KY: variants seen among roughly 807,000 people sequenced by gnomAD.
KY encodes kyphoscoliosis peptidase.
In KY, 43 loss-of-function variants were observed where a neutral mutation model predicts 76.1. The ratio of observed to expected loss-of-function variants is 0.57; its 90% confidence interval spans 0.44 to 0.73. The LOEUF is 0.73. Among genes scored for constraint, KY ranks in the 30% least tolerant of loss-of-function variants. The probability of loss-of-function intolerance (pLI) is 0.00; values close to 1 mark genes in which losing one functional copy is unlikely to be tolerated. For synonymous variants in KY, 277 were observed against 326.2 expected, an observed-to-expected ratio of 0.85 and a Z score of 1.63; for missense variants, 722 against 828.9, an observed-to-expected ratio of 0.87 and a Z score of 1.58.
chr3:134,646,748 A>T (rs1478177384), intron 2 of KY, among the ~76,000 whole-genome samples: 1 of 152,146 alleles, frequency 6.6e-6, no homozygotes, highest in Non-Finnish European at 1.5e-5. Context: ...CTGCGGGCTG[A>T]TGGAGTTCTC....
chr3:134,646,683 G>A (rs1966479155), intron 2 of KY, among the ~76,000 whole-genome samples: 1 of 152,128 alleles, frequency 6.6e-6, no homozygotes, highest in African/African-American at 2.4e-5. Context: ...ATGGAGGGTG[G>A]TTCCTTTACA....
chr3:134,627,532 C>T (rs150193423), intron 5 of KY, among the ~76,000 whole-genome samples: 1 of 152,296 alleles, frequency 6.6e-6, no homozygotes, highest in African/African-American at 2.4e-5. Flanking sequence ...GGGGTTTATA[C>T]TTTAGCTTTA....
At chr3:134,618,211 G>T (rs988982166) in intron 8 of KY, among the ~76,000 whole-genome samples, 7 of 152,126 alleles carry the variant, frequency 4.6e-5, no homozygotes, top group African/African-American at 1.7e-4. Context: ...ACAACAGGGG[G>T]TTTGGGCCAG....
In KY at chr3:134,603,518, G is replaced by C. The variant is rs561060793; in HGVS notation, c.*61C>G. 5 of 1,461,214 alleles carry C rather than the reference G, an allele frequency of 3.4e-6. No individual in the cohort carries two copies. Among genetic ancestry groups the C allele is most frequent in the Admixed American group, 2.3e-5 (1 of 44,298 alleles). 90.5% of individuals were successfully genotyped at this position (1,461,214 alleles called of 1,614,324 possible). A position where few individuals can be genotyped will look rare whatever the true frequency, so the allele number is the denominator to read the frequency against. On this transcript the variant is annotated 3_prime_UTR_variant, in exon 11 of 11. Coordinates refer to ENST00000423778, the MANE Select transcript of KY (RefSeq NM_178554.6). ...GTCCAGGGCTCCCTGCACTTCCTTC[G>C]AGCCCTCCCTGGGGAGGTCTGGCCT...
intron 2 of KY, 87 bp downstream of exon 2, chr3:134,647,348 C>T: frequency 1.9e-6 from 2 of 1,053,156 alleles, no homozygotes; most frequent in East Asian, 5.2e-5. Context: ...ATGTCTAGGG[C>T]TAGTCTTCAA....
At chr3:134,646,344 T>G (rs968574228) in intron 2 of KY, among the ~76,000 whole-genome samples, 1 of 151,756 alleles carries the variant, frequency 6.6e-6, no homozygotes, top group African/African-American at 2.4e-5. Context: ...GGATGGGGAG[T>G]GTGTCTTGAG....
rs183161417 is a variant in KY at position 134,640,622 on chromosome 3, G to A, written c.262+2694C>T. On this transcript the variant is annotated intron_variant, in intron 3 of 10. Coordinates refer to ENST00000423778, the MANE Select transcript of KY (RefSeq NM_178554.6). ...CAAGGCTCATGAGATGAATAAGAAA[G>A]TGGCACATGGAGTAACGATTCCCTG... Among the ~76,000 whole-genome samples the A allele has an allele frequency of 2.8e-3, 422 of 152,322 alleles. 1 individual carries two copies. Among genetic ancestry groups the A allele is most frequent in the African/African-American group, 9.8e-3 (407 of 41,562 alleles).
At chr3:134,625,173 C>T in intron 5 of KY, 38 bp from the exon 6 acceptor site, 1 of 1,529,350 alleles carries the variant, frequency 6.5e-7, no homozygotes, top group Non-Finnish European at 8.9e-7. Context: ...AGCTGAGACC[C>T]ACTGAAGAGG....
At position 134,620,868 on chromosome 3, in the gene KY, G is replaced by A; in HGVS notation, c.484-11C>T. The A allele has an allele frequency of 6.3e-7, 1 of 1,577,636 alleles. No individual in the cohort carries two copies. On this transcript the variant is annotated splice_polypyrimidine_tract_variant and intron_variant, in intron 6 of 10. Coordinates refer to ENST00000423778, the MANE Select transcript of KY (RefSeq NM_178554.6). ...ACTCTTGGCTGTCACCTGGGGAGCA[G>A]GAAGGGTGTGCTGTATTAGGGCCTC...
At chr3:134,642,097 T>C (rs1965834217) in intron 3 of KY, among the ~76,000 whole-genome samples, 1 of 152,188 alleles carries the variant, frequency 6.6e-6, no homozygotes, top group African/African-American at 2.4e-5. Context: ...GAATTCTGGC[T>C]TAAAGGGACA....
At chr3:134,624,953 C>T (rs1277297633) in intron 6 of KY, 100 bp downstream of exon 6, 2 of 1,053,212 alleles carry the variant, frequency 1.9e-6, no homozygotes, top group African/African-American at 3.2e-5. Flanking sequence ...AACCAAGCCA[C>T]TCAGGATATG....
In KY at chr3:134,610,380, G is replaced by C. The variant is rs757294845; in HGVS notation, c.714C>G (p.Leu238=). The C allele has an allele frequency of 6.2e-7, 1 of 1,610,716 alleles. No homozygotes were observed. The highest frequency in any genetic ancestry group is 1.7e-5 in the Admixed American group (1 of 59,506). The change falls in exon 9 of 11, where the codon CTC becomes CTG. Residue 238 remains leucine (L), a synonymous_variant. Transcript: ENST00000423778. ...GCACGGTCATACACTGCACTCCGGC[G>C]AGCCTGGGGGCAGGACAGGGGGTCT... is the stretch of plus-strand genomic sequence containing the variant. ...YAGLFERMCR[L]AGVQCMTVPG... is the part of the protein sequence containing the mutation.
At chr3:134,618,657 G>C (rs1962025160) in intron 8 of KY, among the ~76,000 whole-genome samples, 1 of 152,058 alleles carries the variant, frequency 6.6e-6, no homozygotes, top group African/African-American at 2.4e-5. Flanking sequence ...CCAGAGTGCT[G>C]AAAATGGAGC....
chr3:134,635,233 A>C (rs1163332291), intron 3 of KY, among the ~76,000 whole-genome samples: 1 of 152,220 alleles, frequency 6.6e-6, no homozygotes, highest in Non-Finnish European at 1.5e-5. Context: ...ATGATGGCTC[A>C]TGCCTGTAAT....
intron 10 of KY, among the ~76,000 whole-genome samples, chr3:134,604,982 G>C (rs748038458): frequency 6.6e-6 from 1 of 152,162 alleles, no homozygotes; most frequent in Non-Finnish European, 1.5e-5. Flanking sequence ...GTGCATAGGA[G>C]GTTGGGGTGG....
At chr3:134,605,455 TG>T (rs1337158487) in intron 10 of KY, among the ~76,000 whole-genome samples, 2 of 152,174 alleles carry the variant, frequency 1.3e-5, no homozygotes, top group Non-Finnish European at 2.9e-5. Context: ...ACACTGTGCC[TG>T]GGCTCTAGGA....
At chr3:134,615,959 C>G (rs975488592) in intron 8 of KY, among the ~76,000 whole-genome samples, 1 of 152,192 alleles carries the variant, frequency 6.6e-6, no homozygotes, top group Non-Finnish European at 1.5e-5. Context: ...AGTGTCAGGG[C>G]TCAAACTCGT....
rs182030254 is a variant in KY, at chr3:134,625,882, C to T, written c.401-747G>A. Among the ~76,000 whole-genome samples the T allele has an allele frequency of 3.4e-3, 521 of 152,372 alleles. 2 individuals are homozygous for T. The highest frequency in any genetic ancestry group is 0.012 in the African/African-American group (498 of 41,596). On this transcript the variant is annotated intron_variant, in intron 5 of 10. Transcript: ENST00000423778. ...GAGTCAGGTCTCTGAGACAGAGATA[C>T]AGGAAGGAGAGAAAACTAGAGACCA...
chr3:134,619,277 G>T lies in KY; in HGVS notation c.593-12C>A, dbSNP rs1454939912. ...TGCAATGTCATACTCTATAGGGCAG[G>T]TGAGGGGATCATGAAGAGCTTGAGC... On this transcript the variant is annotated splice_polypyrimidine_tract_variant and intron_variant, in intron 7 of 10. Transcript: ENST00000423778. The T allele has an allele frequency of 6.3e-7, 1 of 1,599,762 alleles. No homozygotes were observed. Among genetic ancestry groups the T allele is most frequent in the East Asian group, 2.2e-5 (1 of 44,794 alleles).
Sources: allele counts gnomAD v4.1 joint callset (sites outside exome capture counted in the v4.1 genomes callset), GRCh38; gene constraint gnomAD v4.1.1; transcripts MANE v1.5; gene names NCBI Gene and HGNC (gene_info 2026-07-23, HGNC 2026-07-21).